IREB2: variants seen among roughly 807,000 people sequenced by gnomAD.
IREB2 encodes iron responsive element binding protein 2, also known as iron-responsive element-binding protein 2.
In IREB2, 39 loss-of-function variants were observed where a neutral mutation model predicts 118.8. The ratio of observed to expected loss-of-function variants is 0.33; its 90% CI spans 0.25 to 0.43. The LOEUF (loss-of-function observed/expected upper bound fraction) is 0.43. IREB2 is among the 20% of genes least tolerant of loss of function. IREB2 has a pLI of 1.00. For missense variants in IREB2, 900 were observed against 1,147.3 expected (o/e 0.78, Z 3.11); for synonymous variants, 372 against 392.2 (o/e 0.95, Z 0.61).
intron 5 of IREB2, 59 bp downstream of exon 5, chr15:78,466,548 T>C: frequency 9.0e-7 from 1 of 1,109,424 alleles, no homozygotes; most frequent in Non-Finnish European, 1.3e-6. Context: ...GTTAAGAAAA[T>C]CAAATTTATT....
chr15:78,449,608 T>G (rs1304923287), intron 2 of IREB2, among the ~76,000 whole-genome samples: 1 of 152,212 alleles, frequency 6.6e-6, no homozygotes, highest in African/African-American at 2.4e-5. Context: ...ATGTTAAAAC[T>G]CTGCAGAACA....
chr15:78,493,750 T>C (rs1248907461), intron 18 of IREB2, among the ~76,000 whole-genome samples, 159 bp from the exon 19 acceptor site: 1 of 152,192 alleles, frequency 6.6e-6, no homozygotes, highest in Non-Finnish European at 1.5e-5. Flanking sequence ...ATCTGTTAAG[T>C]TATAGCTTGG....
intron 2 of IREB2, among the ~76,000 whole-genome samples, chr15:78,446,445 C>G (rs1203438544): frequency 6.6e-6 from 1 of 152,154 alleles, no homozygotes; most frequent in Admixed American, 6.5e-5. Context: ...CAGCGCTCCC[C>G]AGGCCAATGA....
intron 2 of IREB2, among the ~76,000 whole-genome samples, chr15:78,445,014 T>G (rs2050904657): frequency 6.6e-6 from 1 of 152,260 alleles, no homozygotes; most frequent in South Asian, 2.1e-4. Context: ...GTGCTAATAC[T>G]TACATTTTTG....
intron 2 of IREB2, among the ~76,000 whole-genome samples, chr15:78,450,214 A>G (rs550103808): frequency 1.2e-4 from 19 of 152,246 alleles, no homozygotes; most frequent in Non-Finnish European, 2.5e-4. Context: ...AGTATATGTG[A>G]AGTACAGTAC....
chr15:78,460,599 T>C (rs1433544324), intron 2 of IREB2, among the ~76,000 whole-genome samples: 1 of 152,206 alleles, frequency 6.6e-6, no homozygotes, highest in Non-Finnish European at 1.5e-5. Context: ...CAGATTAGAA[T>C]CAGTCATTTC....
rs758052296 is a variant in IREB2, at chr15:78,487,792, A to G, written c.1769A>G (p.Asp590Gly). The change falls in exon 14 of 22, where the codon GAC (aspartate) becomes GGC (glycine). Residue 590 changes from aspartate (D) to glycine (G), a missense_variant. Physicochemically the swap from Asp to Gly is moderately conservative, Grantham distance 94 (BLOSUM62 -1). Coordinates refer to ENST00000258886, the MANE Select transcript of IREB2 (RefSeq NM_004136.4). ...ICVGNTAPLSDAVLNAVKQGD... is the reference protein window; with the variant it reads ...ICVGNTAPLSGAVLNAVKQGD... The stretch of plus-strand genomic sequence containing the variant: ...GTGGGAAATACAGCACCCTTATCAG[A>G]CGCAGTTTTAAATGCAGTAAAACAG... 12 of 1,605,786 alleles carry G rather than the reference A, an allele frequency of 7.5e-6. No individual in the cohort carries two copies. In the East Asian group the frequency reaches 2.7e-4, roughly 36 times the overall value.
At chr15:78,468,542 CT>C (rs111279004) in intron 5 of IREB2, among the ~76,000 whole-genome samples, 301 of 143,202 alleles carry the variant, frequency 2.1e-3, no homozygotes, top group Middle Eastern at 3.6e-3. Flanking sequence ...CTCCACCTGG[CT>C]TTTTTTTTTT....
At chr15:78,447,727 G>A (rs2050955365) in intron 2 of IREB2, among the ~76,000 whole-genome samples, 1 of 152,182 alleles carries the variant, frequency 6.6e-6, no homozygotes, top group Non-Finnish European at 1.5e-5. Context: ...TAGGATTACA[G>A]GCGTGAGCCA....
chr15:78,438,480 T>A, intron 1 of IREB2, 124 bp downstream of exon 1: 1 of 1,145,726 alleles, frequency 8.7e-7, no homozygotes, highest in Non-Finnish European at 1.3e-6. Flanking sequence ...GCTCGGGTTG[T>A]GCTCCCCTCG....
At position 78,493,957 on chromosome 15, in the gene IREB2, T is replaced by A; in HGVS notation, c.2373T>A (p.Asp791Glu). ...FNSYGARRGN[D>E]AVMTRGTFAN... The stretch of plus-strand genomic sequence containing the variant: ...CTTACGGAGCTCGAAGAGGTAATGA[T>A]GCTGTAATGACAAGAGGCACTTTTG... Residue 791 changes from aspartate (D) to glutamate (E), a missense_variant, in exon 19 of 22, where the codon GAT becomes GAA. Coordinates refer to ENST00000258886, the MANE Select transcript of IREB2 (RefSeq NM_004136.4). 1 of 1,614,068 alleles carries A rather than the reference T, an allele frequency of 6.2e-7. No homozygotes were observed. Among genetic ancestry groups the A allele is most frequent in the Non-Finnish European group, 8.5e-7 (1 of 1,179,906 alleles).
In IREB2 at chr15:78,484,805, T is replaced by A; in HGVS notation, c.1458T>A (p.Asp486Glu). 6.2e-7 allele frequency: 1 copy of A among 1,613,658 alleles called. No homozygotes were observed. Among genetic ancestry groups the A allele is most frequent in the Non-Finnish European group, 8.5e-7 (1 of 1,179,750 alleles). ...GFQIAAEKQK[D>E]IVSIHYEGSE... Reference sequence around the variant, plus strand: ...AAATTGCAGCTGAAAAACAAAAGGATATTGTCTCCATTCATTATGAAGGAA... The same window carrying A: ...AAATTGCAGCTGAAAAACAAAAGGAAATTGTCTCCATTCATTATGAAGGAA... Residue 486 changes from aspartate to glutamate, a missense_variant, in exon 12 of 22, where the codon GAT (aspartate) becomes GAA (glutamate). Asp to Glu is a conservative substitution (Grantham distance 45, BLOSUM62 2). Transcript: ENST00000258886.
intron 2 of IREB2, among the ~76,000 whole-genome samples, chr15:78,450,958 A>T (rs12910090): frequency 2.4e-4 from 37 of 151,144 alleles, no homozygotes; most frequent in Non-Finnish European, 3.4e-4. Flanking sequence ...CCAATAATGT[A>T]ATGAGCAGAC....
chr15:78,484,101 T>C lies in IREB2; in HGVS notation c.1414-660T>C, dbSNP rs2051619819. Among the ~76,000 whole-genome samples the C allele has an allele frequency of 2.0e-5, 3 of 152,140 alleles. No individual in the cohort carries two copies. The South Asian group carries it at 6.3e-4, about 32-fold the overall frequency. On this transcript the variant is annotated intron_variant, in intron 11 of 21. Coordinates refer to ENST00000258886, the MANE Select transcript of IREB2 (RefSeq NM_004136.4). ...GCACCTGGCCTACAGTCATAAAATTTGGTAAATGTGACCGAGTAGCAAGTG... is the reference window on the plus strand; with the variant it reads ...GCACCTGGCCTACAGTCATAAAATTCGGTAAATGTGACCGAGTAGCAAGTG...
At position 78,498,079 on chromosome 15, in the gene IREB2, A is replaced by C; in HGVS notation, c.2828A>C (p.Asp943Ala). The C allele has an allele frequency of 6.2e-7, 1 of 1,613,674 alleles. No homozygotes were observed. Among genetic ancestry groups the C allele is most frequent in the East Asian group, 2.2e-5 (1 of 44,862 alleles). ...AGCGTGATTGCTTCGTTTGAAGATG[A>C]TGTGGAAATAACATTATACAAACAT... ...VFSVIASFEDDVEITLYKHGG... is the reference protein window; with the variant it reads ...VFSVIASFEDAVEITLYKHGG... Residue 943 changes from aspartate to alanine, a missense_variant, in exon 22 of 22, where the codon GAT becomes GCT. Coordinates refer to ENST00000258886, the MANE Select transcript of IREB2 (RefSeq NM_004136.4).
intron 2 of IREB2, among the ~76,000 whole-genome samples, chr15:78,458,200 C>T (rs1156740824): frequency 6.6e-6 from 1 of 152,034 alleles, no homozygotes; most frequent in Non-Finnish European, 1.5e-5. Context: ...TTACGTACAA[C>T]TTTATGGGTC....
chr15:78,451,707 A>G (rs926631819), intron 2 of IREB2, among the ~76,000 whole-genome samples: 1 of 151,876 alleles, frequency 6.6e-6, no homozygotes, highest in Non-Finnish European at 1.5e-5. Flanking sequence ...TTCTTTTTTT[A>G]AGATGGAGTT....
At chr15:78,460,399 T>C (rs1031904761) in intron 2 of IREB2, among the ~76,000 whole-genome samples, 5 of 152,224 alleles carry the variant, frequency 3.3e-5, no homozygotes, top group Non-Finnish European at 7.3e-5. Context: ...CTCTCATTGG[T>C]GATCAATGAA....
At chr15:78,486,784 C>T (rs529132816) in intron 13 of IREB2, among the ~76,000 whole-genome samples, 4 of 152,250 alleles carry the variant, frequency 2.6e-5, no homozygotes, top group Non-Finnish European at 5.9e-5. Context: ...GTCTTCCTAC[C>T]TCAGCCTCCT....
Sources: gnomAD v4.1 joint callset for allele counts (sites outside exome capture counted in the v4.1 genomes callset) on GRCh38, gnomAD v4.1.1 for gene constraint, MANE v1.5 for transcripts, NCBI Gene and HGNC (gene_info 2026-07-23, HGNC 2026-07-21) for gene names.